The following SNX29 variants were observed in gnomAD, a reference collection of about 807,000 sequenced individuals.
The protein encoded by SNX29 is sorting nexin 29.
In SNX29, 78 loss-of-function variants were observed where a neutral mutation model predicts 102.1. The observed-to-expected ratio is 0.76, with a 90% CI of 0.64 to 0.92. The LOEUF (loss-of-function observed/expected upper bound fraction) is 0.92, where lower values mean the gene tolerates loss of function less well. Ranked by LOEUF, SNX29 falls within the 40% of genes least tolerant of loss-of-function variation. The pLI is 0.00. For missense variants in SNX29, 1,280 were observed against 1,061.7 expected (o/e 1.21, Z -2.86); for synonymous variants, 580 against 414.5 (o/e 1.40, Z -4.85).
intron 9 of SNX29, among the ~76,000 whole-genome samples, chr16:12,062,479 G>A (rs555566148): frequency 7.2e-5 from 11 of 152,104 alleles, no homozygotes; most frequent in Non-Finnish European, 1.5e-4. Context: ...GCACGTGCCC[G>A]TGTGGTTTGT....
chr16:12,186,961 G>T (rs1329961989), intron 13 of SNX29, among the ~76,000 whole-genome samples: 1 of 152,214 alleles, frequency 6.6e-6, no homozygotes, highest in Non-Finnish European at 1.5e-5. Context: ...AGTGGCCGGG[G>T]CTGACTGTGG....
At chr16:12,303,635 G>A (rs2080251203) in intron 15 of SNX29, among the ~76,000 whole-genome samples, 1 of 152,242 alleles carries the variant, frequency 6.6e-6, no homozygotes, top group East Asian at 1.9e-4. Context: ...GGCCAGCATT[G>A]GAGAGAGGTT....
intron 18 of SNX29, among the ~76,000 whole-genome samples, chr16:12,450,513 G>A (rs546781233): frequency 2.0e-5 from 3 of 152,324 alleles, no homozygotes; most frequent in East Asian, 1.9e-4. Context: ...TTCCTGAACC[G>A]CTTGCTGTGG....
chr16:12,415,003 A>T (rs573188806), intron 18 of SNX29, among the ~76,000 whole-genome samples: 2 of 152,366 alleles, frequency 1.3e-5, no homozygotes, highest in East Asian at 3.9e-4. Context: ...AATTACAGGC[A>T]TGAGCCACTG....
intron 15 of SNX29, among the ~76,000 whole-genome samples, chr16:12,289,914 G>A (rs979918326): frequency 2.6e-5 from 4 of 152,078 alleles, no homozygotes; most frequent in African/African-American, 9.7e-5. Flanking sequence ...CCCGGCGAAG[G>A]GGCAGGGCTG....
intron 11 of SNX29, among the ~76,000 whole-genome samples, chr16:12,114,924 C>T (rs551294510): frequency 7.9e-5 from 12 of 152,222 alleles, no homozygotes; most frequent in Middle Eastern, 3.4e-3. Flanking sequence ...TTTGGAGGGT[C>T]GAATGAGATA....
Position 12,572,268 on chromosome 16 carries a change from G to A in SNX29, c.*3639G>A. The A allele has an allele frequency of 1.9e-6, 2 of 1,060,580 alleles. No homozygotes were observed. Among genetic ancestry groups the A allele is most frequent in the East Asian group, 5.1e-5 (1 of 19,726 alleles). The allele number at this position is 1,060,580 out of a possible 1,614,324, so 65.7% of individuals were successfully genotyped here. On this transcript the variant is annotated 3_prime_UTR_variant, in exon 21 of 21. Transcript: ENST00000566228. ...GTGGATTGATACCATGGCTGTAGCT[G>A]ATGCAACTAACAAGTACTGGGGCCA... is the stretch of plus-strand genomic sequence containing the variant.
At chr16:12,448,927 C>G (rs1275360569) in intron 18 of SNX29, among the ~76,000 whole-genome samples, 1 of 152,150 alleles carries the variant, frequency 6.6e-6, no homozygotes, top group Non-Finnish European at 1.5e-5. Flanking sequence ...CCCATAGGTA[C>G]CAGGTTGACT....
chr16:12,343,879 T>C (rs1240607377), intron 15 of SNX29, among the ~76,000 whole-genome samples: 1 of 152,026 alleles, frequency 6.6e-6, no homozygotes, highest in Non-Finnish European at 1.5e-5. Context: ...TGCAGGGAGG[T>C]GCATTTGACC....
chr16:12,053,398 T>C (rs2050388937), intron 8 of SNX29: 1 of 151,596 alleles, frequency 6.6e-6, no homozygotes, highest in Non-Finnish European at 1.5e-5. Flanking sequence ...TCCAGTCCAT[T>C]AAAGTGTAAA....
intron 20 of SNX29, among the ~76,000 whole-genome samples, chr16:12,553,511 T>C (rs888478410): frequency 2.2e-4 from 34 of 152,212 alleles, no homozygotes; most frequent in African/African-American, 7.7e-4. Flanking sequence ...ACACTTGCCA[T>C]CACAGTGCTG....
intron 16 of SNX29, among the ~76,000 whole-genome samples, chr16:12,359,114 G>T (rs1296525102): frequency 2.0e-5 from 3 of 152,180 alleles, no homozygotes; most frequent in Admixed American, 6.5e-5. Context: ...CAGAAGTGAG[G>T]GGCGGTCTTG....
chr16:12,241,273 C>G (rs750503606), intron 14 of SNX29, among the ~76,000 whole-genome samples: 1 of 151,668 alleles, frequency 6.6e-6, no homozygotes, highest in African/African-American at 2.4e-5. Flanking sequence ...TTGTTGTGAA[C>G]AAAAAAAGAA....
intron 16 of SNX29, among the ~76,000 whole-genome samples, chr16:12,378,010 A>T (rs1463963341): frequency 6.6e-6 from 1 of 152,186 alleles, no homozygotes; most frequent in African/African-American, 2.4e-5. Flanking sequence ...TATTAGGATG[A>T]TTCCAGTGGA....
In SNX29 at chr16:12,497,398, A is replaced by G. The variant is rs368982606; in HGVS notation, c.2178+19539A>G. Among the ~76,000 whole-genome samples, 21 of 152,270 alleles carry G rather than the reference A, an allele frequency of 1.4e-4. No individual in the cohort carries two copies. In the East Asian group the frequency reaches 3.1e-3, roughly 22 times the overall value. On this transcript the variant is annotated intron_variant, in intron 19 of 20. Transcript: ENST00000566228. ...CTCATAGGGCCTCCGAGTCAGTGCT[A>G]TGGAGGAGGTTAAATTAGGGTGTGG...
chr16:12,398,944 C>T (rs1222150296), intron 17 of SNX29, among the ~76,000 whole-genome samples: 2 of 152,054 alleles, frequency 1.3e-5, no homozygotes, highest in African/African-American at 2.4e-5. Context: ...TCTGTGTGGC[C>T]CCTGGGTTAT....
chr16:12,095,587 G>T lies in SNX29; in HGVS notation c.1402+16672G>T, dbSNP rs541243953. On this transcript the variant is annotated intron_variant, in intron 11 of 20. Transcript: ENST00000566228. ...GTCATGCATTGCCAGTCACTTTGTG[G>T]TCCTGTTCTAAAAGGGAATTTGCAG... is the stretch of plus-strand genomic sequence containing the variant. 2.6e-5 allele frequency among the ~76,000 whole-genome samples: 4 copies of T among 152,282 alleles called. No homozygotes were observed. The East Asian group carries it at 7.7e-4, about 29-fold the overall frequency.
chr16:12,541,374 C>A (rs893042725), intron 20 of SNX29, among the ~76,000 whole-genome samples: 1 of 152,132 alleles, frequency 6.6e-6, no homozygotes, highest in Non-Finnish European at 1.5e-5. Flanking sequence ...CCTATGAGGG[C>A]AGTTACCATG....
At chr16:12,221,524 G>T (rs922147271) in intron 14 of SNX29, among the ~76,000 whole-genome samples, 5 of 152,240 alleles carry the variant, frequency 3.3e-5, no homozygotes, top group African/African-American at 9.6e-5. Flanking sequence ...TGAGGCAGGA[G>T]AATCACTTGA....
Sources: allele counts gnomAD v4.1 joint callset (sites outside exome capture counted in the v4.1 genomes callset), GRCh38; gene constraint gnomAD v4.1.1; transcripts MANE v1.5; gene names NCBI Gene and HGNC (gene_info 2026-07-23, HGNC 2026-07-21).